PDCD2: variants seen among roughly 807,000 people sequenced by gnomAD.
PDCD2 encodes the protein uS5 assembly chaperone PDCD2.
In PDCD2, 38 loss-of-function variants were observed where a neutral mutation model predicts 38.1. The ratio of observed to expected loss-of-function variants is 1.00; its 90% CI spans 0.77 to 1.31. PDCD2 has a LOEUF of 1.31. Ranked by LOEUF, PDCD2 falls within the 50% of genes most tolerant of loss-of-function variation. PDCD2 has a pLI of 0.00. For synonymous variants in PDCD2, 205 were observed against 168.9 expected (o/e 1.21, Z -1.66); for missense variants, 473 against 435.7 (o/e 1.09, Z -0.76).
rs1164505483 is a variant in PDCD2 at position 170,577,020 on chromosome 6, G to C, written c.*539C>G. On this transcript the variant is annotated 3_prime_UTR_variant, in exon 6 of 6. Transcript: ENST00000541970. ...GGGCTTCCAGTACATACTAGAGCCT[G>C]TGATAATCAGCTAATGATCAGACAA... 6.5e-6 allele frequency: 1 copy of C among 152,682 alleles called. No individual in the cohort carries two copies. The highest frequency in any genetic ancestry group is 2.4e-5 in the African/African-American group (1 of 41,452). The allele number at this position is 152,682 out of a possible 1,614,324, so 9.5% of individuals were successfully genotyped here.
chr6:170,581,829 C>T (rs1462185705), intron 3 of PDCD2: 2 of 267,318 alleles, frequency 7.5e-6, no homozygotes, highest in African/African-American at 4.6e-5. Flanking sequence ...GATGTACTGT[C>T]CTATGTTTTG....
chr6:170,582,229 G>A, intron 3 of PDCD2: 1 of 1,436,942 alleles, frequency 7.0e-7, no homozygotes, highest in Non-Finnish European at 9.5e-7. Flanking sequence ...AAGACTGTGA[G>A]CATCTGACCA....
At chr6:170,579,306 G>C (rs1583139777) in intron 4 of PDCD2, 1 of 219,516 alleles carries the variant, frequency 4.6e-6, no homozygotes, top group South Asian at 1.5e-4. Flanking sequence ...ATTCTGCCCA[G>C]AGTCTGTGCC....
At chr6:170,582,224 T>C (rs1376224100) in intron 3 of PDCD2, 2 of 1,441,264 alleles carry the variant, frequency 1.4e-6, no homozygotes, top group East Asian at 5.0e-5. Context: ...TCCATAAGAC[T>C]GTGAGCATCT....
Position 170,575,532 on chromosome 6 carries a change from G to T in PDCD2, c.*2027C>A, listed in dbSNP as rs1017797544. 4 of 152,166 alleles carry T rather than the reference G, an allele frequency of 2.6e-5. No homozygotes were observed. The highest frequency in any genetic ancestry group is 5.9e-5 in the Non-Finnish European group (4 of 68,034). 9.4% of individuals were successfully genotyped at this position (152,166 alleles called of 1,614,324 possible). A position where few individuals can be genotyped will look rare whatever the true frequency, so the allele number is the denominator to read the frequency against. The stretch of plus-strand genomic sequence containing the variant: ...AGCCATGATTATGTAGGTGAGACTT[G>T]CTCATTATCTTGTAGTGTTTTAAAA... On this transcript the variant is annotated 3_prime_UTR_variant, in exon 6 of 6. Coordinates refer to ENST00000541970, the MANE Select transcript of PDCD2 (RefSeq NM_002598.4).
At chr6:170,578,605 G>C (rs3173219) in intron 5 of PDCD2, 283,035 of 702,680 alleles carry the variant, frequency 0.4, 61,132 homozygotes, top group East Asian at 0.78. Flanking sequence ...GTGGAGAGCA[G>C]TGTAGATATC....
At chr6:170,579,902 A>G in intron 4 of PDCD2, 100 bp downstream of exon 4, 1 of 701,836 alleles carries the variant, frequency 1.4e-6, no homozygotes. Context: ...TAGGCTCCTA[A>G]GGAACAGACT....
At position 170,577,287 on chromosome 6, in the gene PDCD2, T is replaced by TA. The variant is rs1242687409; in HGVS notation, c.*271dup. ...AAATATTTTTACAAGAATAGGATCA[T>TA]ACCATGAATACCACCTATAATGGTA... On this transcript the variant is annotated 3_prime_UTR_variant, in exon 6 of 6. Coordinates refer to ENST00000541970, the MANE Select transcript of PDCD2 (RefSeq NM_002598.4). 6 of 310,426 alleles carry TA rather than the reference T, an allele frequency of 1.9e-5. No homozygotes were observed. Among genetic ancestry groups the TA allele is most frequent in the Admixed American group, 4.4e-5 (1 of 22,672 alleles). The allele number at this position is 310,426 out of a possible 1,614,324, so 19.2% of individuals were successfully genotyped here.
chr6:170,583,262 G>A (rs1017215407), intron 2 of PDCD2, 74 bp from the exon 3 acceptor site: 3 of 1,110,184 alleles, frequency 2.7e-6, no homozygotes, highest in Non-Finnish European at 2.6e-6. Context: ...TGTCTCTAAA[G>A]TACTATATTC....
At chr6:170,583,935 G>A (rs984711720) in intron 1 of PDCD2, 188 bp from the exon 2 acceptor site, 2 of 606,426 alleles carry the variant, frequency 3.3e-6, no homozygotes, top group Middle Eastern at 4.3e-4. Flanking sequence ...GCCTCCTAGA[G>A]GTGGTTTGAG....
intron 1 of PDCD2, chr6:170,584,095 G>A: frequency 1.9e-6 from 1 of 516,794 alleles, no homozygotes; most frequent in Non-Finnish European, 3.2e-6. Context: ...ACCAATGCGC[G>A]TGGGCACAGT....
intron 5 of PDCD2, chr6:170,578,378 C>T: frequency 2.1e-6 from 1 of 478,232 alleles, no homozygotes. Flanking sequence ...GATTTTGATG[C>T]TAACAAATCC....
intron 4 of PDCD2, 143 bp from the exon 5 acceptor site, chr6:170,579,113 T>C (rs577860644): frequency 1.9e-5 from 11 of 591,058 alleles, no homozygotes; most frequent in Non-Finnish European, 3.2e-5. Context: ...CCATCAGACC[T>C]GGCTGTACCA....
Position 170,584,295 on chromosome 6 carries a change from T to C in PDCD2, c.283+4A>G. The C allele has an allele frequency of 7.0e-7, 1 of 1,436,478 alleles. No individual in the cohort carries two copies. The highest frequency in any genetic ancestry group is 9.1e-7 in the Non-Finnish European group (1 of 1,099,566). 89.0% of individuals were successfully genotyped at this position (1,436,478 alleles called of 1,614,324 possible). On this transcript the variant is annotated splice_donor_region_variant and intron_variant, in intron 1 of 5. Transcript: ENST00000541970. ...CCCCGTCCCGACCCCGTTTGGCGGC[T>C]CACCTCGCAGGCCGGCACAGCACGG...
chr6:170,583,818 G>A (rs930779433), intron 1 of PDCD2, 71 bp from the exon 2 acceptor site: 14 of 1,154,436 alleles, frequency 1.2e-5, no homozygotes, highest in South Asian at 8.8e-5. Context: ...TCCTCTGCAC[G>A]TAAAACTGAA....
rs777538268 is a variant in PDCD2 at position 170,578,903 on chromosome 6, T to C, written c.830A>G (p.Asp277Gly). Reference sequence around the variant, plus strand: ...GGCACCACAGGGGCAATCTGGAATATCCTTTTCTTGAGGAATATTTTCACC... The same window carrying C: ...GGCACCACAGGGGCAATCTGGAATACCCTTTTCTTGAGGAATATTTTCACC... ...ISGENIPQEK[D>G]IPDCPCGAKR... The change falls in exon 5 of 6, where the codon GAT (aspartate) becomes GGT (glycine). Residue 277 changes from aspartate (D) to glycine (G), a missense_variant. Asp to Gly is a moderately conservative substitution (Grantham distance 94). Transcript: ENST00000541970. 1 of 1,609,834 alleles carries C rather than the reference T, an allele frequency of 6.2e-7. No homozygotes were observed. Among genetic ancestry groups the C allele is most frequent in the Non-Finnish European group, 8.5e-7 (1 of 1,178,544 alleles).
chr6:170,584,304 A>C lies in PDCD2; in HGVS notation c.278T>G (p.Leu93Arg), dbSNP rs1779733627. 6.9e-7 allele frequency: 1 copy of C among 1,454,894 alleles called. No individual in the cohort carries two copies. The highest frequency in any genetic ancestry group is 9.0e-7 in the Non-Finnish European group (1 of 1,109,910). 90.1% of individuals were successfully genotyped at this position (1,454,894 alleles called of 1,614,324 possible). ...GACCCCGTTTGGCGGCTCACCTCGC[A>C]GGCCGGCACAGCACGGCTGCTCGCG... The part of the protein sequence containing the change: ...CCREQPCCAG[L>R]RVFRNQLPRK... The change falls in exon 1 of 6, where the codon CTG becomes CGG. Residue 93 changes from leucine to arginine, a missense_variant. Leu to Arg is a moderately radical substitution (Grantham distance 102). Transcript: ENST00000541970.
At position 170,581,817 on chromosome 6, in the gene PDCD2, G is replaced by A. The variant is rs947233686; in HGVS notation, c.658+1240C>T. The A allele has an allele frequency of 1.8e-5, 4 of 222,022 alleles. No individual in the cohort carries two copies. The Admixed American group carries it at 2.1e-4, about 12-fold the overall frequency. 13.8% of individuals were successfully genotyped at this position (222,022 alleles called of 1,614,324 possible). A position where few individuals can be genotyped will look rare whatever the true frequency, so the allele number is the denominator to read the frequency against. ...TTCATTCTCAGGGCATATTCTACTAGAGATGTACTGTCCTATGTTTTGAAG... is the reference window on the plus strand; with the variant it reads ...TTCATTCTCAGGGCATATTCTACTAAAGATGTACTGTCCTATGTTTTGAAG... On this transcript the variant is annotated intron_variant, in intron 3 of 5. Coordinates refer to ENST00000541970, the MANE Select transcript of PDCD2 (RefSeq NM_002598.4).
intron 3 of PDCD2, chr6:170,580,996 A>C (rs908925328): frequency 5.9e-5 from 9 of 152,196 alleles, no homozygotes; most frequent in African/African-American, 2.2e-4. Context: ...GGAAAGTTTC[A>C]GTATAACCGT....
Sources: allele counts gnomAD v4.1 joint callset, GRCh38; gene constraint gnomAD v4.1.1; transcripts MANE v1.5; gene names NCBI Gene and HGNC (gene_info 2026-07-23, HGNC 2026-07-21).